NAALADL2: variants seen among roughly 807,000 people sequenced by gnomAD.
The protein encoded by NAALADL2 is inactive N-acetylated-alpha-linked acidic dipeptidase-like protein 2.
In NAALADL2, 76 loss-of-function variants were observed where a neutral mutation model predicts 87.2. The observed-to-expected ratio is 0.87, with a 90% CI of 0.72 to 1.05. The LOEUF (loss-of-function observed/expected upper bound fraction) is 1.05. Ranked by LOEUF, NAALADL2 falls within the 50% of genes least tolerant of loss-of-function variation. NAALADL2 has a pLI of 0.00. For missense variants in NAALADL2, 1,089 were observed against 945.8 expected, an observed-to-expected ratio of 1.15 and a Z score of -1.99; for synonymous variants, 354 against 331.0, an observed-to-expected ratio of 1.07 and a Z score of -0.75.
intron 13 of NAALADL2, among the ~76,000 whole-genome samples, chr3:175,765,167 A>G (rs992971466): frequency 6.6e-6 from 1 of 152,132 alleles, no homozygotes; most frequent in Admixed American, 6.5e-5. Flanking sequence ...AAATTTTATA[A>G]TCTATACAAT....
At chr3:175,681,247 G>A (rs964309366) in intron 11 of NAALADL2, among the ~76,000 whole-genome samples, 1 of 151,788 alleles carries the variant, frequency 6.6e-6, no homozygotes, top group Non-Finnish European at 1.5e-5. Context: ...AGTGGTTATT[G>A]ACAAGATTTT....
intron 2 of NAALADL2, among the ~76,000 whole-genome samples, chr3:175,232,216 GAA>G (rs372587901): frequency 3.7e-5 from 5 of 135,880 alleles, no homozygotes; most frequent in Non-Finnish European, 6.5e-5. Context: ...AACAAGAAGA[GAA>G]GAAGAAGAAG....
chr3:175,460,889 T>A (rs965479916), intron 6 of NAALADL2, among the ~76,000 whole-genome samples: 1 of 152,174 alleles, frequency 6.6e-6, no homozygotes, highest in Non-Finnish European at 1.5e-5. Flanking sequence ...GAATAAAGCT[T>A]CCACAGTGTG....
chr3:175,739,043 A>T (rs542893843), intron 12 of NAALADL2, among the ~76,000 whole-genome samples: 1 of 152,286 alleles, frequency 6.6e-6, no homozygotes, highest in East Asian at 1.9e-4. Context: ...ACTTTCAGAG[A>T]ACAAAAGGAG....
chr3:175,548,748 A>G (rs369846397), intron 9 of NAALADL2, among the ~76,000 whole-genome samples: 73 of 152,188 alleles, frequency 4.8e-4, no homozygotes, highest in African/African-American at 1.7e-3. Context: ...GCTAAAGTTC[A>G]AATTCCATAC....
chr3:174,770,188 A>G (rs969121219), intron 3 of NAALADL2, among the ~76,000 whole-genome samples: 2 of 152,226 alleles, frequency 1.3e-5, no homozygotes, highest in African/African-American at 4.8e-5. Flanking sequence ...TGTCTCAGAA[A>G]TATTCTGACT....
At chr3:174,816,487 A>G (rs1197700351) in intron 3 of NAALADL2, among the ~76,000 whole-genome samples, 1 of 140,296 alleles carries the variant, frequency 7.1e-6, no homozygotes, top group Non-Finnish European at 1.5e-5. Context: ...AAATACACGC[A>G]TATATATACA....
rs1443038242 is a variant in NAALADL2, at chr3:175,804,095, G to GAGTA, written c.*892_*893insAGTA. 3 of 151,870 alleles carry GAGTA rather than the reference G, an allele frequency of 2.0e-5. No homozygotes were observed. The highest frequency in any genetic ancestry group is 4.8e-5 in the African/African-American group (2 of 41,408). 9.4% of individuals were successfully genotyped at this position (151,870 alleles called of 1,614,324 possible). A position where few individuals can be genotyped will look rare whatever the true frequency, so the allele number is the denominator to read the frequency against. Reference sequence around the variant, plus strand: ...TTCTGAAACTCCTTGCTGTAAGGCAGCTTTCTCAGAGTACTATATATTTTC... The same window carrying GAGTA: ...TTCTGAAACTCCTTGCTGTAAGGCAGAGTACTTTCTCAGAGTACTATATATTTTC... On this transcript the variant is annotated 3_prime_UTR_variant, in exon 14 of 14. Transcript: ENST00000454872.
intron 2 of NAALADL2, among the ~76,000 whole-genome samples, chr3:174,698,268 G>A (rs1375319850): frequency 2.0e-5 from 3 of 150,608 alleles, no homozygotes; most frequent in Admixed American, 6.6e-5. Context: ...ACCTGAAATA[G>A]CATTGTTTAT....
chr3:175,258,032 G>A (rs1054292628), intron 4 of NAALADL2, among the ~76,000 whole-genome samples: 2 of 152,146 alleles, frequency 1.3e-5, no homozygotes, highest in Admixed American at 1.3e-4. Flanking sequence ...GATGGGGCCA[G>A]GCGCGGTGTC....
At chr3:174,930,731 C>T (rs1167608596) in intron 1 of NAALADL2, among the ~76,000 whole-genome samples, 2 of 149,194 alleles carry the variant, frequency 1.3e-5, no homozygotes, top group African/African-American at 5.0e-5. Context: ...TCACCATTCT[C>T]CTGCCTCAGC....
chr3:174,486,895 C>T (rs753902653), intron 1 of NAALADL2, among the ~76,000 whole-genome samples: 23 of 152,004 alleles, frequency 1.5e-4, no homozygotes, highest in South Asian at 6.2e-4. Flanking sequence ...CATATGAATA[C>T]CTAGGTTTAT....
chr3:175,013,606 T>C (rs1275989013), intron 1 of NAALADL2, among the ~76,000 whole-genome samples: 1 of 151,888 alleles, frequency 6.6e-6, no homozygotes, highest in Non-Finnish European at 1.5e-5. Flanking sequence ...GCCACAAATT[T>C]GTTTGATTAA....
At chr3:174,483,740 T>A (rs866278383) in intron 1 of NAALADL2, among the ~76,000 whole-genome samples, 1 of 151,814 alleles carries the variant, frequency 6.6e-6, no homozygotes, top group African/African-American at 2.4e-5. Context: ...AAAAGGAGAA[T>A]GAGGAGAAAA....
intron 11 of NAALADL2, among the ~76,000 whole-genome samples, chr3:175,717,211 T>C (rs967482369): frequency 1.3e-5 from 2 of 152,092 alleles, no homozygotes; most frequent in African/African-American, 2.4e-5. Flanking sequence ...GCACTTCGAT[T>C]ACAGGTGTGA....
chr3:175,099,515 A>T (rs1721754475), intron 2 of NAALADL2, among the ~76,000 whole-genome samples: 1 of 152,222 alleles, frequency 6.6e-6, no homozygotes, highest in Admixed American at 6.5e-5. Context: ...ATCCAAAAAT[A>T]TCTTCTCCCT....
rs78186961 is a variant in NAALADL2 at position 174,478,089 on chromosome 3, G to A, written c.-184+37057G>A. On this transcript the variant is annotated intron_variant, in intron 1 of 3. Coordinates refer to the NAALADL2 transcript ENST00000434257. Reference sequence around the variant, plus strand: ...TATGGCTTATCATTTTCCATTTTACGTGTGATCCAATTATGATACAAAATT... The same window carrying A: ...TATGGCTTATCATTTTCCATTTTACATGTGATCCAATTATGATACAAAATT... Among the ~76,000 whole-genome samples the A allele has an allele frequency of 1.9e-3, 283 of 152,174 alleles. 1 individual carries two copies. Among genetic ancestry groups the A allele is most frequent in the African/African-American group, 6.5e-3 (269 of 41,548 alleles).
chr3:174,522,843 A>G (rs1578078728), intron 1 of NAALADL2, among the ~76,000 whole-genome samples: 2 of 145,162 alleles, frequency 1.4e-5, no homozygotes, highest in South Asian at 4.7e-4. Flanking sequence ...CTGAGGCAGG[A>G]GAATGGCGTG....
chr3:175,578,043 G>T (rs1028820263), intron 10 of NAALADL2, among the ~76,000 whole-genome samples: 7 of 152,046 alleles, frequency 4.6e-5, no homozygotes, highest in Non-Finnish European at 8.8e-5. Flanking sequence ...GAATTAGGAG[G>T]CCTGAAATTT....
Sources: gnomAD v4.1 joint callset for allele counts (sites outside exome capture counted in the v4.1 genomes callset) on GRCh38, gnomAD v4.1.1 for gene constraint, MANE v1.5 for transcripts, NCBI Gene and HGNC (gene_info 2026-07-23, HGNC 2026-07-21) for gene names.